Variants in CFAP92 observed in about 807,000 individuals in gnomAD.
CFAP92 encodes the protein cilia and flagella associated protein 92 (putative).
Under a neutral mutation model 106.3 loss-of-function variants are expected in CFAP92, and 86 were observed. The observed-to-expected ratio is 0.81, with a 90% CI of 0.68 to 0.97. The LOEUF (loss-of-function observed/expected upper bound fraction) is 0.97. Among genes scored for constraint, CFAP92 ranks in the 50% least tolerant of loss-of-function variants. The pLI is 0.00. For missense variants in CFAP92, 1,204 were observed against 1,283.8 expected, an observed-to-expected ratio of 0.94 and a Z score of 0.95; for synonymous variants, 477 against 506.4, an observed-to-expected ratio of 0.94 and a Z score of 0.78.
At chr3:129,001,871 G>A (rs1479867511) in intron 1 of CFAP92, 1 of 1,546,064 alleles carries the variant, frequency 6.5e-7, no homozygotes, top group East Asian at 2.5e-5. Flanking sequence ...ACTTCCGAGC[G>A]CTCTGCGCTG....
At chr3:128,916,728 C>T (rs1936845479) in intron 12 of CFAP92, among the ~76,000 whole-genome samples, 1 of 152,168 alleles carries the variant, frequency 6.6e-6, no homozygotes, top group Admixed American at 6.5e-5. Context: ...GGGAACTCTT[C>T]CCTGAACAGA....
rs572033237 is a variant in CFAP92, at chr3:128,961,068, A to G, written c.1353+4443T>C. ...TTAAAACCTCTTCAACTCACACCTG[A>G]CCTAAAACCTAAATGCCTTATTTTC... is the stretch of plus-strand genomic sequence containing the variant. On this transcript the variant is annotated intron_variant, in intron 9 of 15. Transcript: ENST00000645291. 6.6e-5 allele frequency among the ~76,000 whole-genome samples: 10 copies of G among 152,252 alleles called. No individual in the cohort carries two copies. The East Asian group carries it at 1.9e-3, about 29-fold the overall frequency.
chr3:128,986,751 A>G (rs1299272412), intron 4 of CFAP92, among the ~76,000 whole-genome samples: 1 of 152,240 alleles, frequency 6.6e-6, no homozygotes, highest in Admixed American at 6.5e-5. Flanking sequence ...GTTCAGGAAC[A>G]TGCCCAAGTC....
chr3:128,963,779 G>A (rs1432668697), intron 9 of CFAP92, among the ~76,000 whole-genome samples: 1 of 149,328 alleles, frequency 6.7e-6, no homozygotes, highest in Non-Finnish European at 1.5e-5. Flanking sequence ...TTCCATCCTG[G>A]AAATCTATCC....
In CFAP92 at chr3:128,926,653, G is replaced by A. The variant is rs909798639; in HGVS notation, c.2751+6047C>T. Among the ~76,000 whole-genome samples, 20 of 152,208 alleles carry A rather than the reference G, an allele frequency of 1.3e-4. 1 individual carries two copies. The highest frequency in any genetic ancestry group is 4.6e-4 in the Admixed American group (7 of 15,284). On this transcript the variant is annotated intron_variant, in intron 12 of 15. Coordinates refer to ENST00000645291, the MANE Select transcript of CFAP92 (RefSeq NM_001394090.1). ...AGGAAGAAAAGAGCAAGGAAAGGAA[G>A]TGTTATGGACTGAATGTCTTCACCC...
chr3:128,973,674 A>AAG (rs1942966054), intron 7 of CFAP92, among the ~76,000 whole-genome samples: 1 of 151,418 alleles, frequency 6.6e-6, no homozygotes, highest in African/African-American at 2.4e-5. Flanking sequence ...AAAAAAAAAA[A>AAG]AGAGAGAGAT....
intron 5 of CFAP92, among the ~76,000 whole-genome samples, chr3:128,977,295 C>A (rs1275814083): frequency 1.3e-5 from 2 of 151,822 alleles, no homozygotes. Context: ...ACATAACAGC[C>A]CACAGAGAAA....
At chr3:128,988,999 ATGT>A in intron 2 of CFAP92, 81 bp from the exon 3 acceptor site, 2 of 1,102,552 alleles carry the variant, frequency 1.8e-6, no homozygotes, top group Non-Finnish European at 2.6e-6. Flanking sequence ...CTGGAGCTTG[ATGT>A]TGTGAGAGGC....
At chr3:128,983,929 A>AG (rs1374651550) in intron 4 of CFAP92, among the ~76,000 whole-genome samples, 1 of 152,228 alleles carries the variant, frequency 6.6e-6, no homozygotes, top group East Asian at 1.9e-4. Context: ...CCAGGGCCGA[A>AG]GGGGAGACAG....
rs147387044 is a variant in CFAP92 at position 128,988,269 on chromosome 3, G to A, written c.454-440C>T. Among the ~76,000 whole-genome samples the A allele has an allele frequency of 6.7e-3, 1,020 of 152,288 alleles. 1 individual carries two copies. Among genetic ancestry groups the A allele is most frequent in the Non-Finnish European group, 0.011 (742 of 68,026 alleles). On this transcript the variant is annotated intron_variant, in intron 3 of 15. Transcript: ENST00000645291. ...TCTAAATAAAAAATAGGCCAGGTGC[G>A]GTGGCTCACGCCTGTAATCCCAGCA... is the stretch of plus-strand genomic sequence containing the variant.
chr3:129,004,522 C>A (rs371300017), upstream of CFAP92, among the ~76,000 whole-genome samples: 6 of 137,330 alleles, frequency 4.4e-5, no homozygotes, highest in East Asian at 1.5e-3. Context: ...CATCCATCAT[C>A]CATCCATCCC....
rs541313648 is a variant in CFAP92, at chr3:128,932,642, C to T, written c.2751+58G>A. The T allele has an allele frequency of 4.7e-5, 69 of 1,474,804 alleles. No homozygotes were observed. The Middle Eastern group carries it at 7.3e-4, about 16-fold the overall frequency. The allele number at this position is 1,474,804 out of a possible 1,614,324, so 91.4% of individuals were successfully genotyped here. On this transcript the variant is annotated intron_variant, in intron 12 of 15. Transcript: ENST00000645291. ...AATATGCCCTATGCCTCTCAGCAGG[C>T]GCCTGGACCGCCCAGGTGAGGCCTG... is the stretch of plus-strand genomic sequence containing the variant.
Position 128,991,994 on chromosome 3 carries a change from G to T in CFAP92, c.262+1049C>A, listed in dbSNP as rs1000814444. On this transcript the variant is annotated intron_variant, in intron 2 of 15. Coordinates refer to ENST00000645291, the MANE Select transcript of CFAP92 (RefSeq NM_001394090.1). ...CTCAAAGACTTGAGGAGTGTTTGTG[G>T]GGCTAGGCTTGCCCTCCTGTGTGTC... The T allele has an allele frequency of 1.1e-4, 55 of 511,382 alleles. No individual in the cohort carries two copies. In the African/African-American group the frequency reaches 1.1e-3, roughly 10 times the overall value. The allele number at this position is 511,382 out of a possible 1,614,324, so 31.7% of individuals were successfully genotyped here.
chr3:128,964,181 G>A (rs961009872), intron 9 of CFAP92, among the ~76,000 whole-genome samples: 35 of 149,332 alleles, frequency 2.3e-4, no homozygotes, highest in Admixed American at 6.0e-4. Context: ...ACGGTCCTCC[G>A]TCTTCAAGAA....
At chr3:129,010,327 C>T in the CFAP92 span, among the ~76,000 whole-genome samples, 1 of 152,198 alleles carries the variant, frequency 6.6e-6, no homozygotes, top group East Asian at 1.9e-4. This position sits in a 1 kb window ranked among gnomAD's most constrained non-coding sequence, Gnocchi z 4.3. Flanking sequence ...CTTGATGGGG[C>T]CTTCAGGACA....
the CFAP92 span, among the ~76,000 whole-genome samples, chr3:129,024,557 A>C: frequency 6.6e-6 from 1 of 152,052 alleles, no homozygotes; most frequent in Non-Finnish European, 1.5e-5. Context: ...AAAAAGAAAA[A>C]GAAAAACAGA....
intron 9 of CFAP92, among the ~76,000 whole-genome samples, chr3:128,962,454 C>T (rs1457309294): frequency 2.6e-5 from 4 of 152,142 alleles, no homozygotes; most frequent in Admixed American, 1.3e-4. Context: ...GCCCAGTTCC[C>T]TTATTAGACC....
Position 128,945,275 on chromosome 3 carries a change from G to C in CFAP92, c.2054C>G (p.Ala685Gly). Residue 685 changes from alanine to glycine, a missense_variant, in exon 10 of 16, where the codon GCT (alanine) becomes GGT (glycine). Ala to Gly is a moderately conservative substitution (Grantham distance 60, BLOSUM62 0). Coordinates refer to ENST00000645291, the MANE Select transcript of CFAP92 (RefSeq NM_001394090.1). ...GTAGGAGTCCAGGCCGAGGGCCTTA[G>C]CGTTGATCATGGTGATGTCCTGCAG... is the stretch of plus-strand genomic sequence containing the variant. ...SLLQDITMINAKALGLDSYPV... is the reference protein window; with the variant it reads ...SLLQDITMINGKALGLDSYPV... 1 of 1,536,178 alleles carries C rather than the reference G, an allele frequency of 6.5e-7. No individual in the cohort carries two copies. The highest frequency in any genetic ancestry group is 8.7e-7 in the Non-Finnish European group (1 of 1,146,916).
exon 1 of CFAP92, chr3:129,002,684 C>T (rs1184782369): frequency 3.6e-6 from 1 of 278,388 alleles, no homozygotes; most frequent in Non-Finnish European, 6.7e-6. Flanking sequence ...CTTTCTCTCT[C>T]CTTCCTGCCA....
Sources: allele counts gnomAD v4.1 joint callset (sites outside exome capture counted in the v4.1 genomes callset), GRCh38; gene constraint gnomAD v4.1.1; non-coding constraint Gnocchi (gnomAD v3.1); transcripts MANE v1.5; gene names NCBI Gene and HGNC (gene_info 2026-07-23, HGNC 2026-07-21).